The following PIBF1 variants were observed in gnomAD, a reference collection of about 807,000 sequenced individuals.
PIBF1 encodes the protein progesterone-induced-blocking factor 1.
A neutral mutation model predicts 112.5 loss-of-function variants in PIBF1; 90 were observed. The observed-to-expected ratio is 0.80, with a 90% confidence interval of 0.67 to 0.95. The LOEUF is 0.95. Ranked by LOEUF, PIBF1 falls within the 40% of genes least tolerant of loss-of-function variation. PIBF1 has a pLI of 0.00. For missense variants in PIBF1, 915 were observed against 852.3 expected (o/e 1.07, Z -0.92); for synonymous variants, 301 against 288.6 (o/e 1.04, Z -0.44).
At chr13:72,847,142 G>A (rs2037913081) in intron 9 of PIBF1, among the ~76,000 whole-genome samples, 1 of 152,062 alleles carries the variant, frequency 6.6e-6, no homozygotes, top group South Asian at 2.1e-4. Flanking sequence ...CACATTAATG[G>A]ATTTAAGCAA....
intron 16 of PIBF1, among the ~76,000 whole-genome samples, chr13:72,989,902 C>T (rs759343397): frequency 6.2e-4 from 95 of 152,046 alleles, no homozygotes; most frequent in Admixed American, 2.7e-3. Context: ...TGAAAATTTC[C>T]GTCATAAAAT....
intron 5 of PIBF1, among the ~76,000 whole-genome samples, chr13:72,810,966 C>G (rs923562229): frequency 6.6e-6 from 1 of 151,892 alleles, no homozygotes; most frequent in Non-Finnish European, 1.5e-5. Context: ...ACACCATTCT[C>G]CTGCCTCAGC....
intron 13 of PIBF1, 151 bp from the exon 14 acceptor site, chr13:72,931,014 G>A (rs2041679991): frequency 1.7e-6 from 1 of 602,416 alleles, no homozygotes; most frequent in South Asian, 2.1e-5. Flanking sequence ...CACTACTGGT[G>A]CCTGAAAATA....
At chr13:72,935,564 G>C (rs527244757) in intron 14 of PIBF1, among the ~76,000 whole-genome samples, 18 of 152,236 alleles carry the variant, frequency 1.2e-4, no homozygotes, top group African/African-American at 3.4e-4. Context: ...ATATCTAGGA[G>C]TAGACTGGCC....
chr13:73,009,721 T>C (rs1389592709), intron 17 of PIBF1, among the ~76,000 whole-genome samples: 2 of 152,152 alleles, frequency 1.3e-5, no homozygotes, highest in Non-Finnish European at 2.9e-5. Flanking sequence ...TTAAAATGGT[T>C]GTGATAAGAC....
At chr13:72,809,593 T>G (rs1237736727) in intron 5 of PIBF1, among the ~76,000 whole-genome samples, 5 of 147,694 alleles carry the variant, frequency 3.4e-5, no homozygotes, top group South Asian at 2.1e-4. Flanking sequence ...TTTTTGGTTT[T>G]TTTTTTTTTT....
intron 14 of PIBF1, among the ~76,000 whole-genome samples, chr13:72,931,650 C>T (rs1048892611): frequency 4.8e-5 from 7 of 147,128 alleles, no homozygotes; most frequent in African/African-American, 1.7e-4. Flanking sequence ...TTAAATTTAA[C>T]TTTGTTTACA....
intron 16 of PIBF1, among the ~76,000 whole-genome samples, chr13:72,985,780 A>G (rs1372337612): frequency 6.6e-6 from 1 of 152,126 alleles, no homozygotes; most frequent in African/African-American, 2.4e-5. Context: ...TAAGTGGAGG[A>G]TAGGGTTTAA....
chr13:73,005,105 G>A (rs2043991263), intron 17 of PIBF1, among the ~76,000 whole-genome samples: 2 of 152,058 alleles, frequency 1.3e-5, no homozygotes, highest in African/African-American at 4.8e-5. Flanking sequence ...AACCTGGGAG[G>A]GGGAGGTTGT....
intron 16 of PIBF1, among the ~76,000 whole-genome samples, chr13:72,977,901 T>G (rs1012323535): frequency 1.3e-5 from 2 of 152,196 alleles, no homozygotes; most frequent in Admixed American, 6.5e-5. Flanking sequence ...CAGAATGATA[T>G]AACGTGAAGA....
At chr13:72,791,940 A>G (rs958232139) in intron 2 of PIBF1, among the ~76,000 whole-genome samples, 3 of 151,572 alleles carry the variant, frequency 2.0e-5, no homozygotes, top group Admixed American at 6.6e-5. Context: ...AGCTGAAAAT[A>G]AATTTTTGAT....
rs576805929 is a variant in PIBF1 at position 72,917,078 on chromosome 13, G to A, written c.1642G>A (p.Glu548Lys). 212 of 1,572,686 alleles carry A rather than the reference G, an allele frequency of 1.3e-4. 1 individual carries two copies. The South Asian group carries it at 2.4e-3, about 18-fold the overall frequency. Reference sequence around the variant, plus strand: ...TTATACACTTTAATATTTTCCAGTTGAAAATGAAGATGAGGCTGAAAGGGT... The same window carrying A: ...TTATACACTTTAATATTTTCCAGTTAAAAATGAAGATGAGGCTGAAAGGGT... ...DEIIMQTAEI[E>K]NEDEAERVLF... Residue 548 changes from glutamate (E) to lysine (K), a missense_variant and splice_region_variant, in exon 13 of 18, where the codon GAA becomes AAA. Coordinates refer to ENST00000326291, the MANE Select transcript of PIBF1 (RefSeq NM_006346.4).
intron 12 of PIBF1, among the ~76,000 whole-genome samples, chr13:72,912,232 T>C (rs192644214): frequency 6.6e-6 from 1 of 152,206 alleles, no homozygotes; most frequent in East Asian, 1.9e-4. Context: ...AATAATAAAT[T>C]TGTATTGTTT....
chr13:72,909,892 CT>C (rs1566436294), intron 12 of PIBF1, among the ~76,000 whole-genome samples: 2 of 152,126 alleles, frequency 1.3e-5, no homozygotes. Flanking sequence ...GTTTTCCCCT[CT>C]TGTTATCTTC....
chr13:72,878,735 C>T (rs970533719), intron 10 of PIBF1, among the ~76,000 whole-genome samples: 1 of 152,152 alleles, frequency 6.6e-6, no homozygotes, highest in African/African-American at 2.4e-5. Context: ...AAGTCTTCAA[C>T]TATAGTAGTA....
chr13:72,874,669 C>A (rs1347363302), intron 10 of PIBF1, among the ~76,000 whole-genome samples: 5 of 152,162 alleles, frequency 3.3e-5, no homozygotes, highest in Admixed American at 2.6e-4. Flanking sequence ...ATGGCCAAAA[C>A]AGTTGTTGAA....
At chr13:72,863,474 A>G (rs1304182285) in intron 10 of PIBF1, among the ~76,000 whole-genome samples, 2 of 150,992 alleles carry the variant, frequency 1.3e-5, no homozygotes, top group Non-Finnish European at 1.5e-5. Context: ...ACACGGTGAA[A>G]CCCCATCTCT....
At position 72,894,319 on chromosome 13, in the gene PIBF1, A is replaced by T. The variant is rs117936124; in HGVS notation, c.1488+370A>T. ...AGTATACATTTTTTCAGTTTTCATC[A>T]AATAATATGATATGTTTCTATCTAA... On this transcript the variant is annotated intron_variant, in intron 11 of 17. Coordinates refer to ENST00000326291, the MANE Select transcript of PIBF1 (RefSeq NM_006346.4). Among the ~76,000 whole-genome samples, 1,491 of 152,218 alleles carry T rather than the reference A, an allele frequency of 9.8e-3. 11 individuals are homozygous for T. Among genetic ancestry groups the T allele is most frequent in the Admixed American group, 0.023 (357 of 15,282 alleles).
chr13:72,869,278 A>G (rs759632819), intron 10 of PIBF1, among the ~76,000 whole-genome samples: 57 of 152,174 alleles, frequency 3.7e-4, no homozygotes, highest in Admixed American at 1.5e-3. Flanking sequence ...ATGGGATACT[A>G]TGCAGCCATA....
Sources: gnomAD v4.1 joint callset for allele counts (sites outside exome capture counted in the v4.1 genomes callset) on GRCh38, gnomAD v4.1.1 for gene constraint, MANE v1.5 for transcripts, NCBI Gene and HGNC (gene_info 2026-07-23, HGNC 2026-07-21) for gene names.